The following PRSS12 variants were observed in gnomAD, a reference collection of about 807,000 sequenced individuals.
PRSS12 encodes the protein neurotrypsin.
In PRSS12, 85 loss-of-function variants were observed where a neutral mutation model predicts 104.4. That is an observed-to-expected ratio of 0.81 (90% CI 0.68 to 0.98). The LOEUF is 0.98. Among genes scored for constraint, PRSS12 ranks in the 50% least tolerant of loss-of-function variants. The pLI is 0.00. For missense variants in PRSS12, 1,141 were observed against 1,139.2 expected, an observed-to-expected ratio of 1.00 and a Z score of -0.02; for synonymous variants, 454 against 425.2, an observed-to-expected ratio of 1.07 and a Z score of -0.83.
intron 8 of PRSS12, among the ~76,000 whole-genome samples, chr4:118,302,676 C>T (rs1306386696): frequency 1.3e-5 from 2 of 152,196 alleles, no homozygotes; most frequent in Admixed American, 6.5e-5. Context: ...ATCTGCCCGC[C>T]GCGGCCTCCC....
At chr4:118,332,543 C>A (rs527648050) in intron 3 of PRSS12, among the ~76,000 whole-genome samples, 6 of 152,284 alleles carry the variant, frequency 3.9e-5, no homozygotes, top group Non-Finnish European at 5.9e-5. Context: ...GATAAGACAG[C>A]ACACTAAGGG....
Position 118,335,664 on chromosome 4 carries a change from T to G in PRSS12, c.642-13A>C, listed in dbSNP as rs372383048. 4.3e-6 allele frequency: 7 copies of G among 1,612,984 alleles called. No individual in the cohort carries two copies. In the African/African-American group the frequency reaches 6.7e-5, roughly 15 times the overall value. On this transcript the variant is annotated splice_polypyrimidine_tract_variant and intron_variant, in intron 2 of 12. Coordinates refer to ENST00000296498, the MANE Select transcript of PRSS12 (RefSeq NM_003619.4). The stretch of plus-strand genomic sequence containing the variant: ...TATTCCTTTTCCTCTGGAAGTACAA[T>G]GAGCGATATTAGGTTTATCAAATGT...
chr4:118,300,646 A>G (rs1743383387), intron 8 of PRSS12, among the ~76,000 whole-genome samples: 1 of 152,178 alleles, frequency 6.6e-6, no homozygotes, highest in Non-Finnish European at 1.5e-5. Context: ...GGTATAAACT[A>G]TAAATTTTAA....
chr4:118,346,190 C>G (rs1724348949), intron 1 of PRSS12, among the ~76,000 whole-genome samples: 1 of 152,126 alleles, frequency 6.6e-6, no homozygotes, highest in South Asian at 2.1e-4. Context: ...AAGAAAGTAG[C>G]AGAGGAACAG....
chr4:118,291,002 C>A (rs1743114484), intron 11 of PRSS12, among the ~76,000 whole-genome samples: 1 of 151,952 alleles, frequency 6.6e-6, no homozygotes, highest in South Asian at 2.1e-4. Flanking sequence ...CATGTAAGTA[C>A]AAACATATAC....
Position 118,281,752 on chromosome 4 carries a change from A to G in PRSS12, c.*184T>C, listed in dbSNP as rs542513646. 39 of 627,542 alleles carry G rather than the reference A, an allele frequency of 6.2e-5. No homozygotes were observed. The South Asian group carries it at 7.0e-4, about 11-fold the overall frequency. 38.9% of individuals were successfully genotyped at this position (627,542 alleles called of 1,614,324 possible). On this transcript the variant is annotated 3_prime_UTR_variant, in exon 13 of 13. Transcript: ENST00000296498. ...TGTTCATTTAAGGATTATCACTTCC[A>G]CTACACTGAGGCCTCTGAAAATGTT...
chr4:118,347,921 C>T (rs1419856416), intron 1 of PRSS12, among the ~76,000 whole-genome samples: 1 of 152,132 alleles, frequency 6.6e-6, no homozygotes, highest in African/African-American at 2.4e-5. Flanking sequence ...AATAACCTAG[C>T]TCACATTCAA....
intron 8 of PRSS12, among the ~76,000 whole-genome samples, chr4:118,302,224 TG>T (rs1743420337): frequency 6.6e-6 from 1 of 152,206 alleles, no homozygotes. Flanking sequence ...CACTTACTGG[TG>T]GTATATTGCT....
In PRSS12 at chr4:118,318,463, T is replaced by C. The variant is rs1220886617; in HGVS notation, c.1065A>G (p.Ser355=). 2 of 1,614,174 alleles carry C rather than the reference T, an allele frequency of 1.2e-6. No individual in the cohort carries two copies. Among genetic ancestry groups the C allele is most frequent in the Middle Eastern group, 1.6e-4 (1 of 6,062 alleles). ...DEVRCTGNEL[S]IEQCPKSSWG... The stretch of plus-strand genomic sequence containing the variant: ...AGGAGCTCTTTGGACACTGCTCAAT[T>C]GAAAGCTCATTCCCAGTGCAGCGTA... Residue 355 remains serine, a synonymous_variant, in exon 5 of 13, where the codon TCA becomes TCG. Coordinates refer to ENST00000296498, the MANE Select transcript of PRSS12 (RefSeq NM_003619.4).
chr4:118,322,120 T>A (rs529235086), intron 4 of PRSS12, among the ~76,000 whole-genome samples: 16 of 152,180 alleles, frequency 1.1e-4, no homozygotes, highest in Admixed American at 3.9e-4. Flanking sequence ...AAAGCACTGA[T>A]GTTCCTAGAA....
intron 4 of PRSS12, among the ~76,000 whole-genome samples, chr4:118,322,736 T>C (rs1040396374): frequency 6.6e-6 from 1 of 151,878 alleles, no homozygotes; most frequent in African/African-American, 2.4e-5. Flanking sequence ...GAAAACTGCT[T>C]GGAGTTGTGT....
rs1724533421 is a variant in PRSS12 at position 118,352,373 on chromosome 4, T to C, written c.348A>G (p.Pro116=). The change falls in exon 1 of 13, where the codon CCA becomes CCG. Residue 116 remains proline (P), a synonymous_variant. Coordinates refer to ENST00000296498, the MANE Select transcript of PRSS12 (RefSeq NM_003619.4). The part of the protein sequence containing the change: ...GAPCLRWAEV[P]PFLERSPPAS... ...CTGGGGGCGACCGCTCCAGGAAGGG[T>C]GGCACCTCCGCCCACCGCAGACACG... 6.4e-7 allele frequency: 1 copy of C among 1,556,534 alleles called. No homozygotes were observed. Among genetic ancestry groups the C allele is most frequent in the African/African-American group, 1.4e-5 (1 of 73,736 alleles).
chr4:118,282,767 C>G, intron 12 of PRSS12, 64 bp downstream of exon 12: 2 of 1,606,310 alleles, frequency 1.2e-6, no homozygotes, highest in Non-Finnish European at 1.7e-6. Context: ...GCCCATTGCA[C>G]ACCCAAATAT....
At chr4:118,316,619 C>T (rs1249173171) in intron 5 of PRSS12, among the ~76,000 whole-genome samples, 4 of 151,674 alleles carry the variant, frequency 2.6e-5, no homozygotes, top group African/African-American at 9.7e-5. Flanking sequence ...GTCAGGAGTT[C>T]GAGATCAGCC....
Position 118,318,510 on chromosome 4 carries a change from C to A in PRSS12, c.1018G>T (p.Gly340Cys). The part of the protein sequence containing the change: ...WHQAYFGEGS[G>C]PVMLDEVRCT... ...CGTACTTCATCCAACATAACTGGGC[C>A]AGACCCTTCCCCAAAATATGCCTGA... The change falls in exon 5 of 13, where the codon GGC becomes TGC. Residue 340 changes from glycine (G) to cysteine (C), a missense_variant. Gly to Cys is a radical substitution (Grantham distance 159, BLOSUM62 -3). Coordinates refer to ENST00000296498, the MANE Select transcript of PRSS12 (RefSeq NM_003619.4). 2 of 1,614,132 alleles carry A rather than the reference C, an allele frequency of 1.2e-6. No homozygotes were observed. The highest frequency in any genetic ancestry group is 1.7e-6 in the Non-Finnish European group (2 of 1,180,002).
chr4:118,293,445 T>C (rs977978239), intron 11 of PRSS12, among the ~76,000 whole-genome samples: 1 of 152,074 alleles, frequency 6.6e-6, no homozygotes, highest in African/African-American at 2.4e-5. Flanking sequence ...GATGACACTT[T>C]TAAATATATG....
intron 9 of PRSS12, among the ~76,000 whole-genome samples, chr4:118,297,941 C>T (rs542335678): frequency 2.1e-3 from 314 of 152,072 alleles, no homozygotes; most frequent in Non-Finnish European, 2.6e-3. Flanking sequence ...AGTTCTAGAC[C>T]AGCCTAGACA....
intron 12 of PRSS12, 77 bp downstream of exon 12, chr4:118,282,754 A>G: frequency 6.3e-7 from 1 of 1,585,932 alleles, no homozygotes; most frequent in South Asian, 1.1e-5. Context: ...TTAAGATCTT[A>G]TTGCCCATTG....
At chr4:118,303,930 C>A (rs1050204088) in intron 8 of PRSS12, 1 of 151,916 alleles carries the variant, frequency 6.6e-6, no homozygotes, top group Non-Finnish European at 1.5e-5. Context: ...ATGAAGCTTC[C>A]TTAATCCAAG....
Sources: gnomAD v4.1 joint callset for allele counts (sites outside exome capture counted in the v4.1 genomes callset) on GRCh38, gnomAD v4.1.1 for gene constraint, MANE v1.5 for transcripts, NCBI Gene and HGNC (gene_info 2026-07-23, HGNC 2026-07-21) for gene names.